The following BRAF variants were observed in gnomAD, a reference collection of about 807,000 sequenced individuals.
BRAF encodes the protein serine/threonine-protein kinase B-raf.
A neutral mutation model predicts 104.6 loss-of-function variants in BRAF; 16 were observed. The ratio of observed to expected loss-of-function variants is 0.15; its 90% CI spans 0.10 to 0.23. The LOEUF is 0.23. Ranked by LOEUF, BRAF falls within the 10% of genes least tolerant of loss-of-function variation. BRAF has a pLI of 1.00. For missense variants in BRAF, 541 were observed against 937.3 expected (o/e 0.58, Z 5.52); for synonymous variants, 310 against 341.6 (o/e 0.91, Z 1.02).
At chr7:140,782,935 T>C (rs1292436766) in intron 11 of BRAF, 86 bp downstream of exon 10, 11 of 1,474,610 alleles carry the variant, frequency 7.5e-6, no homozygotes, top group Non-Finnish European at 1.0e-5. Flanking sequence ...CATATGGACA[T>C]AATATATCTA....
At position 140,734,486 on chromosome 7, in the gene BRAF, G is replaced by A. The variant is rs539860876; in HGVS notation, c.2401+131C>T. On this transcript the variant is annotated intron_variant, in intron 19 of 19. Coordinates refer to ENST00000644969, the MANE Select transcript of BRAF (RefSeq NM_001374258.1). ...TCTTTAACCACACAAGTGTTCTTTGGTTCACCTTAAAAAAAAAGAGAGTAT... is the reference window on the plus strand; with the variant it reads ...TCTTTAACCACACAAGTGTTCTTTGATTCACCTTAAAAAAAAAGAGAGTAT... The A allele has an allele frequency of 1.5e-4, 241 of 1,595,848 alleles. 1 individual carries two copies. In the South Asian group the frequency reaches 2.5e-3, roughly 17 times the overall value.
At chr7:140,780,757 T>C (rs1800792574) in intron 12 of BRAF, 1 of 152,214 alleles carries the variant, frequency 6.6e-6, no homozygotes. Context: ...TCACTTTCAC[T>C]TTTCATTGAT....
Position 140,721,803 on chromosome 7 carries a change from G to A in BRAF, c.*4691C>T, listed in dbSNP as rs1439525917. The A allele has an allele frequency of 6.3e-6, 9 of 1,419,268 alleles. No individual in the cohort carries two copies. 87.9% of individuals were successfully genotyped at this position (1,419,268 alleles called of 1,614,324 possible). ...AATATGTTTTCTTTTACATCCAATG[G>A]CCAGGTCATAAAGGATGCCTTGAGA... On this transcript the variant is annotated 3_prime_UTR_variant, in exon 20 of 20. Transcript: ENST00000644969.
intron 14 of BRAF, 75 bp from the exon 14 acceptor site, chr7:140,754,308 G>C (rs1035343667): frequency 7.0e-6 from 9 of 1,285,200 alleles, no homozygotes; most frequent in Non-Finnish European, 9.1e-6. Context: ...AACATACTTG[G>C]GGGTGTAAAG....
chr7:140,763,715 T>C (rs1335027693), intron 14 of BRAF, among the ~76,000 whole-genome samples: 2 of 152,180 alleles, frequency 1.3e-5, no homozygotes, highest in Non-Finnish European at 2.9e-5. Flanking sequence ...GATAAATTCC[T>C]CGACACATAC....
intron 14 of BRAF, among the ~76,000 whole-genome samples, chr7:140,754,557 C>T (rs1188365015): frequency 1.3e-5 from 2 of 152,230 alleles, no homozygotes; most frequent in African/African-American, 2.4e-5. Context: ...GATATTTAAT[C>T]CCACCACTGT....
At chr7:140,863,196 C>A (rs921636982) in intron 1 of BRAF, among the ~76,000 whole-genome samples, 5 of 151,580 alleles carry the variant, frequency 3.3e-5, no homozygotes, top group African/African-American at 7.3e-5. Context: ...AAAAAAAAAA[C>A]TGATTTTTTA....
At chr7:140,860,770 A>G (rs1810336337) in intron 1 of BRAF, among the ~76,000 whole-genome samples, 1 of 152,250 alleles carries the variant, frequency 6.6e-6, no homozygotes, top group East Asian at 1.9e-4. Flanking sequence ...TACATGTGGT[A>G]TAATATAAAT....
chr7:140,795,130 G>GA (rs1335806336), intron 7 of BRAF, among the ~76,000 whole-genome samples: 4 of 152,040 alleles, frequency 2.6e-5, no homozygotes, highest in African/African-American at 9.7e-5. Flanking sequence ...CTGCTATTTG[G>GA]AAAACCACCA....
rs1795491653 is a variant in BRAF, at chr7:140,724,487, G to C, written c.*2007C>G. On this transcript the variant is annotated 3_prime_UTR_variant, in exon 20 of 20. Transcript: ENST00000644969. Reference sequence around the variant, plus strand: ...CCTTTGCAATTTCTGAATTTTGTAAGACACTGCCCTGCTGATGTAAAACTT... The same window carrying C: ...CCTTTGCAATTTCTGAATTTTGTAACACACTGCCCTGCTGATGTAAAACTT... The C allele has an allele frequency of 9.5e-7, 1 of 1,053,428 alleles. No individual in the cohort carries two copies. The highest frequency in any genetic ancestry group is 1.1e-6 in the Non-Finnish European group (1 of 871,928). The allele number at this position is 1,053,428 out of a possible 1,614,324, so 65.3% of individuals were successfully genotyped here.
chr7:140,723,306 T>C lies in BRAF; in HGVS notation c.*3188A>G. The C allele has an allele frequency of 9.5e-7, 1 of 1,056,192 alleles. No homozygotes were observed. Among genetic ancestry groups the C allele is most frequent in the Non-Finnish European group, 1.1e-6 (1 of 873,598 alleles). The allele number at this position is 1,056,192 out of a possible 1,614,324, so 65.4% of individuals were successfully genotyped here. On this transcript the variant is annotated 3_prime_UTR_variant, in exon 20 of 20. Transcript: ENST00000644969. The stretch of plus-strand genomic sequence containing the variant: ...TAGGAAATATTTACAAAGTTTCAGG[T>C]TGACAGTGCTGCAGTCTTGAATTAT...
At position 140,783,158 on chromosome 7, in the gene BRAF, C is replaced by T; in HGVS notation, c.1298-1G>A. The stretch of plus-strand genomic sequence containing the variant: ...GTAGCAGACAAACCTGTGGTTGATC[C>T]TAAATTAGTGAAAAGAAAAATGTAT... On this transcript the variant is annotated splice_acceptor_variant, in intron 10 of 19. Coordinates refer to ENST00000644969, the MANE Select transcript of BRAF (RefSeq NM_001374258.1). LOFTEE classifies it high-confidence loss of function. 6.2e-7 allele frequency: 1 copy of T among 1,613,538 alleles called. No homozygotes were observed. Among genetic ancestry groups the T allele is most frequent in the Non-Finnish European group, 8.5e-7 (1 of 1,179,848 alleles).
Position 140,719,395 on chromosome 7 carries a change from CTTTT to C in BRAF, c.*7095_*7098del. On this transcript the variant is annotated 3_prime_UTR_variant, in exon 20 of 20. Coordinates refer to ENST00000644969, the MANE Select transcript of BRAF (RefSeq NM_001374258.1). Reference sequence around the variant, plus strand: ...GCATATTCACATCAAGTACATAGAACTTTTTTTGCCTTTTATATAATACAGTTTT... The same window carrying C: ...GCATATTCACATCAAGTACATAGAACTTTGCCTTTTATATAATACAGTTTT... The C allele has an allele frequency of 9.9e-7, 1 of 1,006,558 alleles. No individual in the cohort carries two copies. Among genetic ancestry groups the C allele is most frequent in the Non-Finnish European group, 1.2e-6 (1 of 836,190 alleles). The allele number at this position is 1,006,558 out of a possible 1,614,324, so 62.4% of individuals were successfully genotyped here. A position where few individuals can be genotyped will look rare whatever the true frequency, so the allele number is the denominator to read the frequency against.
At chr7:140,861,813 T>C (rs1034690135) in intron 1 of BRAF, among the ~76,000 whole-genome samples, 1 of 152,130 alleles carries the variant, frequency 6.6e-6, no homozygotes, top group African/African-American at 2.4e-5. Flanking sequence ...ATAGTTATTA[T>C]ATTATTCCCT....
intron 1 of BRAF, among the ~76,000 whole-genome samples, chr7:140,866,473 A>G (rs1197718602): frequency 6.6e-6 from 1 of 152,198 alleles, no homozygotes; most frequent in Non-Finnish European, 1.5e-5. Context: ...ACCCCACTTG[A>G]TCAGTTTTAC....
chr7:140,730,390 AAG>A (rs1490992820), intron 19 of BRAF, among the ~76,000 whole-genome samples: 1 of 151,794 alleles, frequency 6.6e-6, no homozygotes, highest in Non-Finnish European at 1.5e-5. Context: ...CTTTTTTTGA[AAG>A]AGTCTTGCTC....
At chr7:140,865,328 C>T (rs1251078341) in intron 1 of BRAF, among the ~76,000 whole-genome samples, 1 of 152,146 alleles carries the variant, frequency 6.6e-6, no homozygotes, top group Non-Finnish European at 1.5e-5. Context: ...GATCCACCTG[C>T]CTCGGCCTCC....
intron 8 of BRAF, among the ~76,000 whole-genome samples, chr7:140,790,881 C>T (rs138383623): frequency 5.9e-5 from 9 of 152,128 alleles, no homozygotes; most frequent in East Asian, 1.9e-4. Context: ...CGGAGGTGGG[C>T]GGATCACTTG....
chr7:140,781,761 A>C (rs1386288009), intron 11 of BRAF, 68 bp from the exon 11 acceptor site: 11 of 1,265,240 alleles, frequency 8.7e-6, no homozygotes, highest in Admixed American at 1.7e-5. Flanking sequence ...TTTCACCCTA[A>C]GTACATTACC....
Sources: gnomAD v4.1 joint callset for allele counts (sites outside exome capture counted in the v4.1 genomes callset) on GRCh38, gnomAD v4.1.1 for gene constraint, MANE v1.5 for transcripts, NCBI Gene and HGNC (gene_info 2026-07-23, HGNC 2026-07-21) for gene names.